Variants in MAD1L1 observed in about 807,000 individuals in gnomAD.
The protein encoded by MAD1L1 is mitotic arrest deficient 1 like 1, also known as mitotic spindle assembly checkpoint protein MAD1.
MAD1L1 carries 95 observed loss-of-function variants against 96.9 expected under a neutral mutation model. The ratio of observed to expected loss-of-function variants is 0.98; its 90% CI spans 0.83 to 1.16. The LOEUF is 1.16. Among genes scored for constraint, MAD1L1 ranks in the 50% most tolerant of loss-of-function variants. The probability of loss-of-function intolerance (pLI) is 0.00; values close to 1 mark genes in which losing one functional copy is unlikely to be tolerated. For missense variants in MAD1L1, 1,007 were observed against 954.4 expected (o/e 1.06, Z -0.73); for synonymous variants, 473 against 396.6 (o/e 1.19, Z -2.29).
chr7:2,172,451 G>A (rs1377829064), intron 10 of MAD1L1, among the ~76,000 whole-genome samples: 1 of 152,208 alleles, frequency 6.6e-6, no homozygotes, highest in Non-Finnish European at 1.5e-5. Context: ...CGCTGCGAAA[G>A]GCCCCGGGTC....
intron 11 of MAD1L1, among the ~76,000 whole-genome samples, chr7:2,080,554 C>T (rs1339773439): frequency 2.0e-5 from 3 of 150,178 alleles, no homozygotes; most frequent in African/African-American, 4.9e-5. Flanking sequence ...GCGCCTCCCC[C>T]ACGATCACAG....
intron 11 of MAD1L1, among the ~76,000 whole-genome samples, chr7:2,091,294 G>C (rs138326833): frequency 2.6e-5 from 4 of 151,966 alleles, no homozygotes; most frequent in Admixed American, 6.5e-5. Context: ...TCTGGGCCCC[G>C]GTCAGCTCCC....
intron 12 of MAD1L1, among the ~76,000 whole-genome samples, chr7:2,041,450 T>C (rs6971008): frequency 0.071 from 10,760 of 152,212 alleles, 1,225 homozygotes; most frequent in African/African-American, 0.24. Flanking sequence ...ATCACATTCA[T>C]GCTACCCAAC....
At chr7:1,905,651 G>A (rs2128446857) in intron 17 of MAD1L1, among the ~76,000 whole-genome samples, 1 of 152,382 alleles carries the variant, frequency 6.6e-6, no homozygotes, top group Non-Finnish European at 1.5e-5. Context: ...CACTGTTCCA[G>A]GTGCTTGGAA....
intron 4 of MAD1L1, 74 bp downstream of exon 4, chr7:2,225,336 C>A: frequency 6.5e-7 from 1 of 1,536,080 alleles, no homozygotes; most frequent in Non-Finnish European, 8.9e-7. Flanking sequence ...TTTCTTATAA[C>A]CTGGCAGGTA....
rs1270085509 is a variant in MAD1L1 at position 1,827,447 on chromosome 7, C to A, written c.1999-11219G>T. 1.8e-3 allele frequency among the ~76,000 whole-genome samples: 170 copies of A among 94,592 alleles called. 1 individual carries two copies. The highest frequency in any genetic ancestry group is 2.6e-3 in the South Asian group (9 of 3,438). 62.1% of individuals were successfully genotyped at this position (94,592 alleles called of 152,430 possible). A position where few individuals can be genotyped will look rare whatever the true frequency, so the allele number is the denominator to read the frequency against. ...CCTGAGCCCGTCGCGGGTGTGGGGTCCTCCCCTCCTGAGCCCGTCGCGGGT... is the reference window on the plus strand; with the variant it reads ...CCTGAGCCCGTCGCGGGTGTGGGGTACTCCCCTCCTGAGCCCGTCGCGGGT... On this transcript the variant is annotated intron_variant, in intron 18 of 18. Coordinates refer to ENST00000265854, the MANE Select transcript of MAD1L1 (RefSeq NM_001013836.2).
At chr7:2,147,733 C>A (rs1789380618) in intron 11 of MAD1L1, among the ~76,000 whole-genome samples, 1 of 152,252 alleles carries the variant, frequency 6.6e-6, no homozygotes, top group African/African-American at 2.4e-5. Flanking sequence ...AGGCTGCTCC[C>A]TGAGACAGAG....
intron 17 of MAD1L1, among the ~76,000 whole-genome samples, chr7:1,922,998 G>C (rs1207620472): frequency 6.6e-6 from 1 of 152,214 alleles, no homozygotes; most frequent in African/African-American, 2.4e-5. Flanking sequence ...TTTGCCACTG[G>C]TTTTGAAGTT....
chr7:2,124,369 G>C (rs931867753), intron 11 of MAD1L1, among the ~76,000 whole-genome samples: 4 of 152,234 alleles, frequency 2.6e-5, no homozygotes, highest in Admixed American at 2.6e-4. Context: ...GAACTGATTT[G>C]GGAAGAGCCC....
At chr7:1,960,161 A>G (rs1472771240) in intron 15 of MAD1L1, among the ~76,000 whole-genome samples, 3 of 152,116 alleles carry the variant, frequency 2.0e-5, no homozygotes, top group African/African-American at 7.2e-5. Flanking sequence ...AGCAAGCCCT[A>G]AAATAACAAA....
chr7:2,080,541 A>G (rs1367526408), intron 11 of MAD1L1, among the ~76,000 whole-genome samples: 4 of 39,504 alleles, frequency 1.0e-4, no homozygotes, highest in Non-Finnish European at 2.0e-4. Context: ...CCTCATGTGC[A>G]GAGCGCCTCC....
intron 12 of MAD1L1, among the ~76,000 whole-genome samples, chr7:2,059,380 A>G (rs1419996175): frequency 7.1e-3 from 370 of 52,276 alleles, no homozygotes; most frequent in Middle Eastern, 0.021. Flanking sequence ...TGTGGCCAGA[A>G]GAGAGAAGCA....
At chr7:2,044,754 C>T (rs1315024436) in intron 12 of MAD1L1, among the ~76,000 whole-genome samples, 1 of 152,214 alleles carries the variant, frequency 6.6e-6, no homozygotes, top group Non-Finnish European at 1.5e-5. Flanking sequence ...ATGACAAGAA[C>T]TGGAACTGGA....
At chr7:2,169,462 G>GA (rs565316785) in intron 10 of MAD1L1, among the ~76,000 whole-genome samples, 18 of 150,360 alleles carry the variant, frequency 1.2e-4, no homozygotes, top group African/African-American at 2.4e-4. Context: ...TCTTTACTTG[G>GA]AAAAAAAAAA....
At chr7:2,152,444 T>G (rs1182252294) in intron 10 of MAD1L1, among the ~76,000 whole-genome samples, 2 of 152,210 alleles carry the variant, frequency 1.3e-5, no homozygotes, top group African/African-American at 4.8e-5. Flanking sequence ...CCACTTTGGC[T>G]AAACCAAGCC....
intron 10 of MAD1L1, among the ~76,000 whole-genome samples, chr7:2,176,976 C>CCTT (rs1790977960): frequency 1.3e-5 from 2 of 152,208 alleles, no homozygotes; most frequent in South Asian, 4.1e-4. Flanking sequence ...AGACACCCAG[C>CCTT]CTTCTCCAGG....
intron 12 of MAD1L1, among the ~76,000 whole-genome samples, chr7:2,017,466 G>A (rs192499095): frequency 6.6e-5 from 10 of 152,318 alleles, no homozygotes; most frequent in Non-Finnish European, 1.5e-5. Flanking sequence ...TGAGGACAGG[G>A]CCTCGGTGCC....
intron 15 of MAD1L1, among the ~76,000 whole-genome samples, chr7:1,977,587 G>T (rs1229853487): frequency 6.6e-6 from 1 of 152,262 alleles, no homozygotes; most frequent in Non-Finnish European, 1.5e-5. Flanking sequence ...CAGGCTGAAG[G>T]GCTCCAAACA....
At chr7:2,148,334 G>C (rs886521234) in intron 11 of MAD1L1, 2 of 152,868 alleles carry the variant, frequency 1.3e-5, no homozygotes, top group African/African-American at 4.8e-5. Context: ...AGCTCCCCTG[G>C]GGCCCCGTTG....
Sources: gnomAD v4.1 joint callset for allele counts (sites outside exome capture counted in the v4.1 genomes callset) on GRCh38, gnomAD v4.1.1 for gene constraint, MANE v1.5 for transcripts, NCBI Gene and HGNC (gene_info 2026-07-23, HGNC 2026-07-21) for gene names.